MAGI2: variants seen among roughly 807,000 people sequenced by gnomAD.
The protein encoded by MAGI2 is membrane associated guanylate kinase, WW and PDZ domain containing 2.
Under a neutral mutation model 133.3 loss-of-function variants are expected in MAGI2, and 35 were observed. That is an observed-to-expected ratio of 0.26 (90% CI 0.20 to 0.35). The LOEUF (loss-of-function observed/expected upper bound fraction) is 0.35, where lower values mean the gene tolerates loss of function less well. Among genes scored for constraint, MAGI2 ranks in the 10% least tolerant of loss-of-function variants. The pLI, the probability that MAGI2 is intolerant of heterozygous loss-of-function variation, is 1.00. For missense variants in MAGI2, 1,636 were observed against 1,863.4 expected (o/e 0.88, Z 2.25); for synonymous variants, 729 against 710.6 (o/e 1.03, Z -0.41).
intron 1 of MAGI2, among the ~76,000 whole-genome samples, chr7:79,428,382 C>T (rs1031419833): frequency 6.6e-6 from 1 of 152,150 alleles, no homozygotes; most frequent in East Asian, 1.9e-4. Flanking sequence ...AGTAATTCTA[C>T]AAGCCATTCC....
At chr7:78,604,055 A>T (rs1221181461) in intron 3 of MAGI2, among the ~76,000 whole-genome samples, 1 of 152,198 alleles carries the variant, frequency 6.6e-6, no homozygotes, top group South Asian at 2.1e-4. Context: ...AGATATGTAG[A>T]TATTCTGATG....
Position 78,486,610 on chromosome 7 carries a change from G to A in MAGI2, c.1045+3151C>T, listed in dbSNP as rs1236848153. On this transcript the variant is annotated intron_variant, in intron 6 of 21. Coordinates refer to ENST00000354212, the MANE Select transcript of MAGI2 (RefSeq NM_012301.4). ...ATGCAGGACCCCGAGATTGGGAGTT[G>A]TGGGTGCAGTGATTGAAGGAGGAAT... 4 of 293,996 alleles carry A rather than the reference G, an allele frequency of 1.4e-5. No homozygotes were observed. The East Asian group carries it at 3.3e-4, about 25-fold the overall frequency. 18.2% of individuals were successfully genotyped at this position (293,996 alleles called of 1,614,324 possible). A position where few individuals can be genotyped will look rare whatever the true frequency, so the allele number is the denominator to read the frequency against.
intron 1 of MAGI2, among the ~76,000 whole-genome samples, chr7:79,109,447 A>T (rs2129543782): frequency 6.6e-6 from 1 of 152,294 alleles, no homozygotes; most frequent in East Asian, 1.9e-4. Flanking sequence ...GGAAGTTTAA[A>T]CTTCAGAGTA....
At chr7:78,754,538 T>C (rs1197518900) in intron 2 of MAGI2, among the ~76,000 whole-genome samples, 1 of 152,180 alleles carries the variant, frequency 6.6e-6, no homozygotes. Context: ...TTGCAGAGTA[T>C]AGCCTGTACA....
intron 1 of MAGI2, among the ~76,000 whole-genome samples, chr7:79,136,575 T>C (rs934692685): frequency 6.6e-5 from 10 of 152,172 alleles, no homozygotes; most frequent in Admixed American, 1.3e-4. Flanking sequence ...TCTAAATAAA[T>C]CCTGACACCT....
intron 6 of MAGI2, among the ~76,000 whole-genome samples, chr7:78,480,340 C>A (rs1391302292): frequency 6.6e-6 from 1 of 151,732 alleles, no homozygotes; most frequent in Non-Finnish European, 1.5e-5. Flanking sequence ...TTTTATGTGG[C>A]CAGTATTACC....
intron 2 of MAGI2, among the ~76,000 whole-genome samples, chr7:78,765,075 CTTG>C (rs1187766983): frequency 6.6e-6 from 1 of 152,134 alleles, no homozygotes; most frequent in Non-Finnish European, 1.5e-5. Context: ...ATTCTAAATA[CTTG>C]TTGATATGGG....
chr7:79,068,786 G>T (rs900576565), intron 1 of MAGI2, among the ~76,000 whole-genome samples: 1 of 152,130 alleles, frequency 6.6e-6, no homozygotes, highest in African/African-American at 2.4e-5. Context: ...CTGGTACGTT[G>T]TGTCTTTGTT....
chr7:78,860,644 A>C (rs1415441505), intron 2 of MAGI2, among the ~76,000 whole-genome samples: 1 of 152,070 alleles, frequency 6.6e-6, no homozygotes, highest in African/African-American at 2.4e-5. Flanking sequence ...ATGAGGTGTC[A>C]TTCGGCCCCT....
At chr7:78,911,527 G>C (rs1798397318) in intron 2 of MAGI2, among the ~76,000 whole-genome samples, 1 of 152,090 alleles carries the variant, frequency 6.6e-6, no homozygotes, top group Non-Finnish European at 1.5e-5. Flanking sequence ...TCCCTCACCA[G>C]ACACTAAACC....
At chr7:78,024,029 A>G (rs13438434) in intron 21 of MAGI2, among the ~76,000 whole-genome samples, 9,825 of 152,212 alleles carry the variant, frequency 0.065, 1,031 homozygotes, top group African/African-American at 0.22. Flanking sequence ...GAGCATCTGA[A>G]CATTTTGATA....
chr7:79,337,933 A>G (rs546128743), intron 1 of MAGI2, among the ~76,000 whole-genome samples: 1 of 152,144 alleles, frequency 6.6e-6, no homozygotes, highest in African/African-American at 2.4e-5. Flanking sequence ...CATGCAAATG[A>G]GTAAAGCTAG....
At chr7:79,367,327 T>C (rs773033312) in intron 1 of MAGI2, among the ~76,000 whole-genome samples, 1 of 152,260 alleles carries the variant, frequency 6.6e-6, no homozygotes, top group Non-Finnish European at 1.5e-5. Context: ...TGGAAAGTCC[T>C]ATTCAGGGAG....
At chr7:78,517,382 T>C (rs1325726863) in intron 4 of MAGI2, among the ~76,000 whole-genome samples, 3 of 152,152 alleles carry the variant, frequency 2.0e-5, no homozygotes, top group Non-Finnish European at 4.4e-5. Flanking sequence ...AGTCCCTTTG[T>C]CTTTGGCATG....
intron 9 of MAGI2, among the ~76,000 whole-genome samples, chr7:78,270,832 T>C (rs1173292463): frequency 6.6e-6 from 1 of 152,170 alleles, no homozygotes; most frequent in African/African-American, 2.4e-5. Context: ...ATCAACAGAA[T>C]GTCCATTCTT....
intron 6 of MAGI2, among the ~76,000 whole-genome samples, chr7:78,374,079 T>C (rs1794204047): frequency 6.6e-6 from 1 of 152,176 alleles, no homozygotes; most frequent in South Asian, 2.1e-4. Flanking sequence ...CGTGTGTCTT[T>C]TGGTAAAATG....
chr7:78,817,772 C>A (rs376347044), intron 2 of MAGI2, among the ~76,000 whole-genome samples: 1 of 150,614 alleles, frequency 6.6e-6, no homozygotes, highest in African/African-American at 2.4e-5. Context: ...TGCTGTGGTG[C>A]GATCTTGGCT....
At chr7:78,214,984 C>T (rs576922320) in intron 10 of MAGI2, among the ~76,000 whole-genome samples, 6 of 152,196 alleles carry the variant, frequency 3.9e-5, no homozygotes, top group African/African-American at 1.4e-4. Context: ...GCTTGCATCA[C>T]AGTCCACGGA....
intron 2 of MAGI2, among the ~76,000 whole-genome samples, chr7:78,645,111 C>CGTGT (rs1554510948): frequency 2.7e-4 from 40 of 148,330 alleles, no homozygotes; most frequent in Admixed American, 4.0e-4. Flanking sequence ...TATGTGTGTG[C>CGTGT]GTGTGTGTGT....
Sources: allele counts gnomAD v4.1 joint callset (sites outside exome capture counted in the v4.1 genomes callset), GRCh38; gene constraint gnomAD v4.1.1; transcripts MANE v1.5; gene names NCBI Gene and HGNC (gene_info 2026-07-23, HGNC 2026-07-21).